STAG2: variants seen among roughly 807,000 people sequenced by gnomAD.
The protein encoded by STAG2 is STAG2 cohesin complex component.
STAG2 carries 14 observed loss-of-function variants against 108.1 expected under a neutral mutation model. The observed-to-expected ratio is 0.13, with a 90% confidence interval of 0.09 to 0.20. The LOEUF is 0.20. Among genes scored for constraint, STAG2 ranks in the 10% least tolerant of loss-of-function variants. The probability of loss-of-function intolerance (pLI) is 1.00; values close to 1 mark genes in which losing one functional copy is unlikely to be tolerated. For missense variants in STAG2, 440 were observed against 940.9 expected, an observed-to-expected ratio of 0.47 and a Z score of 6.96; for synonymous variants, 307 against 302.7, an observed-to-expected ratio of 1.01 and a Z score of -0.15.
chrX:124,086,438 T>G (rs762329422), intron 29 of STAG2, 109 bp from the exon 30 acceptor site: 18 of 544,425 alleles, frequency 3.3e-5, no homozygotes, highest in Non-Finnish European at 5.4e-5. Flanking sequence ...TAATGTCCTG[T>G]AAGGCTGAGT....
At chrX:123,985,298 C>T (rs989177259) in intron 1 of STAG2, among the ~76,000 whole-genome samples, 1 of 111,110 alleles carries the variant, frequency 9.0e-6, no homozygotes, top group African/African-American at 3.3e-5. Context: ...GGTGTGATCA[C>T]AGCTCATTGT....
Position 124,083,407 on chromosome X carries a change from GT to G in STAG2, c.2925-10del. The G allele has an allele frequency of 8.8e-7, 1 of 1,130,432 alleles. No individual in the cohort carries two copies. Among genetic ancestry groups the G allele is most frequent in the Non-Finnish European group, 1.2e-6 (1 of 855,553 alleles). The allele number at this position is 1,130,432 out of a possible 1,213,427, so 93.2% of individuals were successfully genotyped here. ...CAAATATTTATTTCAATTATTTTTT[GT>G]TTTCCTTTGCAGAGATGGCATAGAA... is the stretch of plus-strand genomic sequence containing the variant. On this transcript the variant is annotated splice_polypyrimidine_tract_variant and intron_variant, in intron 28 of 34. Transcript: ENST00000371145.
At chrX:124,033,610 AAGTT>A (rs1239196019) in intron 5 of STAG2, among the ~76,000 whole-genome samples, 1 of 110,880 alleles carries the variant, frequency 9.0e-6, no homozygotes, top group Admixed American at 9.7e-5. Context: ...AAAAATAAAA[AAGTT>A]AGCTGGGCTT....
chrX:124,087,934 C>T, intron 30 of STAG2, among the ~76,000 whole-genome samples: 1 of 112,329 alleles, frequency 8.9e-6, no homozygotes, highest in South Asian at 3.7e-4. Context: ...TACAATTTTA[C>T]ACTGGTTAGT....
At chrX:124,041,419 A>G (rs144961514) in intron 6 of STAG2, among the ~76,000 whole-genome samples, 1,200 of 109,993 alleles carry the variant, frequency 0.011, 8 homozygotes, top group Non-Finnish European at 0.019. Flanking sequence ...ATGTATATAC[A>G]CAGGCGCGCG....
At position 124,071,308 on chromosome X, in the gene STAG2, G is replaced by A. The variant is rs2058657386; in HGVS notation, c.2518G>A (p.Asp840Asn). 1 of 1,177,659 alleles carries A rather than the reference G, an allele frequency of 8.5e-7. No individual in the cohort carries two copies. Among genetic ancestry groups the A allele is most frequent in the Non-Finnish European group, 1.1e-6 (1 of 881,447 alleles). The change falls in exon 25 of 35, where the codon GAT becomes AAT. Residue 840 changes from aspartate to asparagine, a missense_variant. Physicochemically the swap from Asp to Asn is conservative, Grantham distance 23 (BLOSUM62 1). Transcript: ENST00000371145. ...TCATGTCTTCATTGAACAGGATGAT[G>A]ATAATAATAGTGCAGGTAATTTTAT... ...LDHVFIEQDD[D>N]NNSADGQQED...
intron 1 of STAG2, among the ~76,000 whole-genome samples, chrX:124,002,813 T>C (rs2056107329): frequency 1.2e-5 from 1 of 83,831 alleles, no homozygotes; most frequent in Non-Finnish European, 2.3e-5. Flanking sequence ...TCTTTCTTTC[T>C]TTTTTTTTTT....
rs981187713 is a variant in STAG2, at chrX:124,056,066, T to C, written c.1197-62T>C. On this transcript the variant is annotated intron_variant, in intron 13 of 34. Coordinates refer to ENST00000371145, the MANE Select transcript of STAG2 (RefSeq NM_001042750.2). ...TTAAAAGTATGAGCATAAGTTTTTG[T>C]ACTGTTAATATGCTTAGAATTAGGA... The C allele has an allele frequency of 2.0e-5, 14 of 686,474 alleles. No individual in the cohort carries two copies. In the African/African-American group the frequency reaches 2.9e-4, roughly 14 times the overall value. The allele number at this position is 686,474 out of a possible 1,213,427, so 56.6% of individuals were successfully genotyped here.
intron 1 of STAG2, among the ~76,000 whole-genome samples, chrX:124,000,587 G>T (rs1422131962): frequency 9.0e-6 from 1 of 111,232 alleles, no homozygotes; most frequent in African/African-American, 3.3e-5. Flanking sequence ...GAGGCAAGAG[G>T]ATCGCTTGAG....
chrX:124,091,881 T>C (rs1193530894), intron 32 of STAG2, among the ~76,000 whole-genome samples: 1 of 112,577 alleles, frequency 8.9e-6, no homozygotes, highest in Non-Finnish European at 1.9e-5. Context: ...CTGGATTATG[T>C]ATGATAACTT....
intron 16 of STAG2, 107 bp downstream of exon 16, chrX:124,061,448 T>A: frequency 7.0e-6 from 4 of 572,400 alleles, no homozygotes; most frequent in Non-Finnish European, 1.1e-5. Flanking sequence ...GATAGAAAAA[T>A]CTTACTTCGT....
chrX:124,041,656 GC>G (rs1403685346), intron 6 of STAG2, among the ~76,000 whole-genome samples: 8 of 110,465 alleles, frequency 7.2e-5, no homozygotes, highest in Non-Finnish European at 1.1e-4. Flanking sequence ...GATTACCCCT[GC>G]CCCCATCTCT....
intron 1 of STAG2, among the ~76,000 whole-genome samples, chrX:124,001,344 C>A (rs2056031506): frequency 8.9e-6 from 1 of 111,769 alleles, no homozygotes; most frequent in East Asian, 2.8e-4. Context: ...TCCGCCTCGG[C>A]CTCCCAAAGT....
intron 1 of STAG2, among the ~76,000 whole-genome samples, chrX:124,002,719 GGT>G (rs1227363488): frequency 5.4e-5 from 6 of 110,857 alleles, no homozygotes; most frequent in Non-Finnish European, 1.1e-4. Flanking sequence ...CTGCCTCCCA[GGT>G]TCAAGCGATT....
At chrX:124,074,540 C>T (rs2058752500) in intron 25 of STAG2, among the ~76,000 whole-genome samples, 1 of 111,499 alleles carries the variant, frequency 9.0e-6, no homozygotes, top group Non-Finnish European at 1.9e-5. Flanking sequence ...ACCCTCCTTC[C>T]AGCAGCATAT....
chrX:123,982,606 C>T (rs1485522107), intron 1 of STAG2, among the ~76,000 whole-genome samples: 1 of 110,963 alleles, frequency 9.0e-6, no homozygotes, highest in African/African-American at 3.3e-5. Context: ...AGGCTGGTCT[C>T]GAACTCCTGA....
At chrX:124,075,249 T>C (rs1359415746) in intron 25 of STAG2, among the ~76,000 whole-genome samples, 1 of 111,964 alleles carries the variant, frequency 8.9e-6, no homozygotes, top group African/African-American at 3.3e-5. Flanking sequence ...CATAAACAAT[T>C]TTAATTTCAT....
chrX:123,968,004 G>A (rs1334918090), intron 1 of STAG2, among the ~76,000 whole-genome samples: 1 of 109,258 alleles, frequency 9.2e-6, no homozygotes, highest in East Asian at 2.9e-4. Flanking sequence ...GAGTTCAAGC[G>A]ATTCTCCTGC....
At chrX:123,967,615 C>G (rs1332311680) in intron 1 of STAG2, among the ~76,000 whole-genome samples, 5 of 110,640 alleles carry the variant, frequency 4.5e-5, no homozygotes, top group Non-Finnish European at 9.5e-5. Flanking sequence ...GCGGGCATAC[C>G]TTCTGAGAAA....
Sources: gnomAD v4.1 joint callset for allele counts (sites outside exome capture counted in the v4.1 genomes callset) on GRCh38, gnomAD v4.1.1 for gene constraint, MANE v1.5 for transcripts, NCBI Gene and HGNC (gene_info 2026-07-23, HGNC 2026-07-21) for gene names.